Variants in ZBTB20 observed in about 807,000 individuals in gnomAD.
ZBTB20 encodes zinc finger and BTB domain-containing protein 20.
Under a neutral mutation model 56.9 loss-of-function variants are expected in ZBTB20, and 9 were observed. That is an observed-to-expected ratio of 0.16 (90% CI 0.10 to 0.28). ZBTB20 has a LOEUF of 0.28. Ranked by LOEUF, ZBTB20 falls within the 10% of genes least tolerant of loss-of-function variation. ZBTB20 has a pLI of 1.00. For missense variants in ZBTB20, 655 were observed against 1,003.0 expected, an observed-to-expected ratio of 0.65 and a Z score of 4.69; for synonymous variants, 417 against 420.7, an observed-to-expected ratio of 0.99 and a Z score of 0.11.
At chr3:114,647,269 A>G (rs1287168296) in intron 6 of ZBTB20, among the ~76,000 whole-genome samples, 2 of 152,194 alleles carry the variant, frequency 1.3e-5, no homozygotes, top group East Asian at 3.9e-4. Flanking sequence ...AGGCAGTTTT[A>G]TACTTCTCAA....
intron 5 of ZBTB20, among the ~76,000 whole-genome samples, chr3:114,728,419 C>T (rs974362380): frequency 2.0e-5 from 3 of 152,172 alleles, no homozygotes; most frequent in South Asian, 2.1e-4. Context: ...TTGGGTCAAA[C>T]TGTGCAGACC....
chr3:114,408,773 T>C (rs1202926282), intron 7 of ZBTB20, among the ~76,000 whole-genome samples: 3 of 151,980 alleles, frequency 2.0e-5, no homozygotes, highest in African/African-American at 4.8e-5. Context: ...ATATACTTTT[T>C]CTTTTAAAAA....
At chr3:114,581,089 A>C (rs1484773060) in intron 6 of ZBTB20, among the ~76,000 whole-genome samples, 3 of 151,974 alleles carry the variant, frequency 2.0e-5, no homozygotes, top group African/African-American at 4.8e-5. Flanking sequence ...ACAAGGATAG[A>C]AAAACAGTCC....
intron 7 of ZBTB20, among the ~76,000 whole-genome samples, chr3:114,445,968 A>G (rs1349658418): frequency 6.6e-6 from 1 of 152,160 alleles, no homozygotes. Context: ...TTTTAAAACA[A>G]ACAGAGTACA....
intron 2 of ZBTB20, among the ~76,000 whole-genome samples, chr3:115,022,225 TTTAG>T (rs1346418051): frequency 9.3e-5 from 14 of 150,996 alleles, no homozygotes; most frequent in African/African-American, 3.1e-4. Flanking sequence ...ATTTACAAAA[TTTAG>T]TTATTTAATA....
At chr3:115,050,370 AAG>A (rs953526508) in intron 2 of ZBTB20, among the ~76,000 whole-genome samples, 2 of 151,892 alleles carry the variant, frequency 1.3e-5, no homozygotes, top group African/African-American at 4.8e-5. Context: ...CTCCCTTCAA[AAG>A]AGTTTTTTTA....
intron 1 of ZBTB20, among the ~76,000 whole-genome samples, chr3:115,111,256 T>C (rs916374809): frequency 5.9e-5 from 9 of 152,152 alleles, no homozygotes; most frequent in African/African-American, 2.2e-4. Flanking sequence ...ATCTCACCAG[T>C]TGAGAAAATT....
At chr3:114,439,572 T>G (rs377004453) in intron 7 of ZBTB20, among the ~76,000 whole-genome samples, 1 of 152,110 alleles carries the variant, frequency 6.6e-6, no homozygotes, top group African/African-American at 2.4e-5. Context: ...ATGAAGAAAG[T>G]AGAGATTTAA....
intron 7 of ZBTB20, among the ~76,000 whole-genome samples, chr3:114,419,796 C>T (rs1439141809): frequency 1.3e-5 from 2 of 152,064 alleles, no homozygotes; most frequent in African/African-American, 4.8e-5. Flanking sequence ...AGAAACATAC[C>T]GTGTGCATGC....
At chr3:114,369,566 C>T (rs1338991656) in intron 10 of ZBTB20, among the ~76,000 whole-genome samples, 2 of 152,176 alleles carry the variant, frequency 1.3e-5, no homozygotes, top group Non-Finnish European at 2.9e-5. Flanking sequence ...TCCAGATCAC[C>T]ATCCTACAGT....
chr3:114,530,510 T>C (rs2047723728), intron 6 of ZBTB20, among the ~76,000 whole-genome samples: 1 of 152,208 alleles, frequency 6.6e-6, no homozygotes, highest in African/African-American at 2.4e-5. Context: ...TAATGATGCA[T>C]TTCTCAGAAT....
chr3:114,689,790 A>G (rs1231561720), intron 6 of ZBTB20, among the ~76,000 whole-genome samples: 1 of 152,192 alleles, frequency 6.6e-6, no homozygotes, highest in African/African-American at 2.4e-5. Context: ...TATGAGACAC[A>G]TAATTTAACA....
intron 2 of ZBTB20, among the ~76,000 whole-genome samples, chr3:115,008,470 CTGA>C (rs2079564700): frequency 6.6e-6 from 1 of 151,816 alleles, no homozygotes; most frequent in Non-Finnish European, 1.5e-5. Flanking sequence ...AAAAATGCTC[CTGA>C]TAATAAGCAG....
intron 5 of ZBTB20, among the ~76,000 whole-genome samples, chr3:114,698,117 T>C (rs553367553): frequency 1.6e-3 from 240 of 152,252 alleles, no homozygotes; most frequent in African/African-American, 5.5e-3. Context: ...CCTACTGGCT[T>C]ACCCAATCAA....
At chr3:114,629,327 G>T (rs1337438637) in intron 6 of ZBTB20, among the ~76,000 whole-genome samples, 1 of 151,980 alleles carries the variant, frequency 6.6e-6, no homozygotes, top group Non-Finnish European at 1.5e-5. Context: ...AATAAATGAT[G>T]GCTATCATTA....
chr3:114,711,542 A>G (rs1445367092), intron 5 of ZBTB20, among the ~76,000 whole-genome samples: 1 of 152,212 alleles, frequency 6.6e-6, no homozygotes, highest in East Asian at 1.9e-4. Context: ...CTTATAATAA[A>G]CTTCTTGGGA....
intron 4 of ZBTB20, among the ~76,000 whole-genome samples, chr3:114,874,653 C>A (rs561423095): frequency 6.6e-6 from 1 of 152,298 alleles, no homozygotes; most frequent in Non-Finnish European, 1.5e-5. Flanking sequence ...GCTACACAGA[C>A]GGCCGTCCCA....
chr3:114,759,546 T>A (rs2068284867), intron 5 of ZBTB20, among the ~76,000 whole-genome samples: 1 of 152,096 alleles, frequency 6.6e-6, no homozygotes. Flanking sequence ...ATTGCAAAAG[T>A]TTACTGCAGG....
intron 6 of ZBTB20, among the ~76,000 whole-genome samples, chr3:114,639,528 G>T (rs1378117674): frequency 6.7e-6 from 1 of 149,582 alleles, no homozygotes; most frequent in African/African-American, 2.5e-5. Flanking sequence ...GTAACTTGTT[G>T]CTCAGAAGGG....
Sources: gnomAD v4.1 joint callset for allele counts (sites outside exome capture counted in the v4.1 genomes callset) on GRCh38, gnomAD v4.1.1 for gene constraint, MANE v1.5 for transcripts, NCBI Gene and HGNC (gene_info 2026-07-23, HGNC 2026-07-21) for gene names.